Variants in GABRP observed in about 807,000 individuals in gnomAD.
GABRP encodes the protein gamma-aminobutyric acid receptor subunit pi.
Under a neutral mutation model 47.8 loss-of-function variants are expected in GABRP, and 52 were observed. The ratio of observed to expected loss-of-function variants is 1.09; its 90% confidence interval spans 0.87 to 1.37. GABRP has a LOEUF of 1.37. Among genes scored for constraint, GABRP ranks in the 40% most tolerant of loss-of-function variants. GABRP has a pLI of 0.00. For missense variants in GABRP, 525 were observed against 542.8 expected (o/e 0.97, Z 0.33); for synonymous variants, 221 against 205.8 (o/e 1.07, Z -0.63).
intron 5 of GABRP, among the ~76,000 whole-genome samples, chr5:170,796,552 T>A (rs576717308): frequency 6.6e-6 from 1 of 152,346 alleles, no homozygotes; most frequent in Admixed American, 6.5e-5. Flanking sequence ...CTCTGTGACC[T>A]TAGGCAAGTT....
At chr5:170,793,175 T>C (rs1765324364) in intron 3 of GABRP, among the ~76,000 whole-genome samples, 1 of 152,222 alleles carries the variant, frequency 6.6e-6, no homozygotes, top group South Asian at 2.1e-4. Flanking sequence ...TAATCTCATT[T>C]AGCCCTTCCC....
At chr5:170,801,233 G>T (rs1456572593) in intron 6 of GABRP, among the ~76,000 whole-genome samples, 1 of 152,194 alleles carries the variant, frequency 6.6e-6, no homozygotes, top group African/African-American at 2.4e-5. Flanking sequence ...CCACTGGGCT[G>T]GAGAGTCACA....
chr5:170,806,713 A>C (rs1279989190), intron 7 of GABRP, among the ~76,000 whole-genome samples: 1 of 152,178 alleles, frequency 6.6e-6, no homozygotes, highest in East Asian at 1.9e-4. Flanking sequence ...AAGTGCTGGA[A>C]TTACAGGCAT....
At position 170,812,693 on chromosome 5, in the gene GABRP, A is replaced by C. The variant is rs1354074543; in HGVS notation, c.*435A>C. On this transcript the variant is annotated 3_prime_UTR_variant, in exon 10 of 10. Transcript: ENST00000265294. ...GTGCTTATAAAATACATTGTTGCCT[A>C]TTTAGGGAGTAACATTTTCTAGTTT... 1 of 157,920 alleles carries C rather than the reference A, an allele frequency of 6.3e-6. No individual in the cohort carries two copies. The highest frequency in any genetic ancestry group is 1.8e-4 in the East Asian group (1 of 5,444). The allele number at this position is 157,920 out of a possible 1,614,324, so 9.8% of individuals were successfully genotyped here. A position where few individuals can be genotyped will look rare whatever the true frequency, so the allele number is the denominator to read the frequency against.
chr5:170,794,296 A>G lies in GABRP; in HGVS notation c.238A>G (p.Met80Val), dbSNP rs1345783078. The G allele has an allele frequency of 1.9e-6, 3 of 1,605,244 alleles. No homozygotes were observed. Among genetic ancestry groups the G allele is most frequent in the Non-Finnish European group, 2.6e-6 (3 of 1,173,944 alleles). The change falls in exon 4 of 10, where the codon ATG (methionine) becomes GTG (valine). Residue 80 changes from methionine (M) to valine (V), a missense_variant and splice_region_variant. Coordinates refer to ENST00000265294, the MANE Select transcript of GABRP (RefSeq NM_014211.3). ...ASISSISESNMDYTATIYLRQ... is the reference protein window; with the variant it reads ...ASISSISESNVDYTATIYLRQ... ...TATCTCTAGCATTTCAGAGAGTAAC[A>G]TGGTAAGCGCTGTTCCTTTGTACTC...
chr5:170,797,830 A>C (rs1463592496), intron 6 of GABRP, among the ~76,000 whole-genome samples: 1 of 152,222 alleles, frequency 6.6e-6, no homozygotes, highest in African/African-American at 2.4e-5. Context: ...GGTCTAGGCC[A>C]GGGGTCAGCA....
chr5:170,804,986 AT>A (rs1451200185), intron 6 of GABRP, among the ~76,000 whole-genome samples: 2 of 139,592 alleles, frequency 1.4e-5, no homozygotes, highest in South Asian at 2.3e-4. Context: ...TATATATTAT[AT>A]TATATTATAT....
intron 1 of GABRP, among the ~76,000 whole-genome samples, chr5:170,785,613 C>A (rs1000369578): frequency 1.3e-5 from 2 of 152,122 alleles, no homozygotes; most frequent in African/African-American, 4.8e-5. Context: ...GCTGAGAGGC[C>A]CAGGGCCAAA....
intron 3 of GABRP, among the ~76,000 whole-genome samples, chr5:170,793,623 T>C (rs1765338603): frequency 6.6e-6 from 1 of 152,186 alleles, no homozygotes; most frequent in African/African-American, 2.4e-5. Flanking sequence ...TAAAACAACA[T>C]CTGTGCGCAA....
At chr5:170,805,308 T>C (rs1200923822) in intron 6 of GABRP, among the ~76,000 whole-genome samples, 1 of 152,184 alleles carries the variant, frequency 6.6e-6, no homozygotes, top group Non-Finnish European at 1.5e-5. Flanking sequence ...TTTATGCCAA[T>C]ATAGAAATAT....
At chr5:170,807,102 T>A (rs1765756488) in intron 7 of GABRP, among the ~76,000 whole-genome samples, 1 of 151,892 alleles carries the variant, frequency 6.6e-6, no homozygotes, top group African/African-American at 2.4e-5. Flanking sequence ...GTGTGTGCCA[T>A]CATGCCTGGG....
intron 5 of GABRP, among the ~76,000 whole-genome samples, chr5:170,796,018 G>C (rs1166821881): frequency 6.6e-6 from 1 of 152,148 alleles, no homozygotes; most frequent in Non-Finnish European, 1.5e-5. Context: ...TGAAGCTCAA[G>C]TTCCTTTCAC....
chr5:170,808,212 G>GAGAAAC (rs1436894000), intron 7 of GABRP, among the ~76,000 whole-genome samples: 1 of 152,130 alleles, frequency 6.6e-6, no homozygotes, highest in Non-Finnish European at 1.5e-5. Flanking sequence ...AGTATTCCTT[G>GAGAAAC]AGAAACAGAT....
chr5:170,800,119 G>A (rs1357797397), intron 6 of GABRP, among the ~76,000 whole-genome samples: 2 of 152,180 alleles, frequency 1.3e-5, no homozygotes, highest in African/African-American at 2.4e-5. Flanking sequence ...AACCAAAACA[G>A]CATGGTACTG....
intron 6 of GABRP, among the ~76,000 whole-genome samples, chr5:170,798,334 C>T (rs1418662781): frequency 2.0e-5 from 3 of 152,192 alleles, no homozygotes; most frequent in African/African-American, 7.2e-5. Flanking sequence ...AGCCACCGTG[C>T]CTGGCCTGCT....
At chr5:170,794,984 C>G (rs1165826926) in intron 4 of GABRP, among the ~76,000 whole-genome samples, 1 of 147,348 alleles carries the variant, frequency 6.8e-6, no homozygotes. Flanking sequence ...TTGCAATATG[C>G]CACTAACCCA....
chr5:170,809,656 T>C lies in GABRP; in HGVS notation c.921T>C (p.Asp307=), dbSNP rs1187721992. ...CCAACTGCTTCATCAAGGCCATCGA[T>C]GTGTACCTGGGGATCTGCTTTAGCT... ...PNTNCFIKAI[D]VYLGICFSFV... Residue 307 remains aspartate (D), a synonymous_variant, in exon 9 of 10, where the codon GAT becomes GAC. Transcript: ENST00000265294. The C allele has an allele frequency of 2.5e-6, 4 of 1,614,074 alleles. No individual in the cohort carries two copies. The highest frequency in any genetic ancestry group is 2.2e-5 in the East Asian group (1 of 44,888).
intron 1 of GABRP, among the ~76,000 whole-genome samples, chr5:170,784,399 T>C (rs2127245725): frequency 6.6e-6 from 1 of 152,242 alleles, no homozygotes. Flanking sequence ...GCTTCCAGCC[T>C]GGGAAGTTTT....
At position 170,795,197 on chromosome 5, in the gene GABRP, C is replaced by G. The variant is rs1365675217; in HGVS notation, c.241-11C>G. 6.2e-6 allele frequency: 10 copies of G among 1,604,968 alleles called. No individual in the cohort carries two copies. The highest frequency in any genetic ancestry group is 8.5e-6 in the Non-Finnish European group (10 of 1,172,850). ...CCCCATCCATTTCCATACCCTGCCTCCCCCTCCCAGGACTACACAGCCACC... is the reference window on the plus strand; with the variant it reads ...CCCCATCCATTTCCATACCCTGCCTGCCCCTCCCAGGACTACACAGCCACC... On this transcript the variant is annotated splice_polypyrimidine_tract_variant and intron_variant, in intron 4 of 9. Transcript: ENST00000265294.
Sources: gnomAD v4.1 joint callset for allele counts (sites outside exome capture counted in the v4.1 genomes callset) on GRCh38, gnomAD v4.1.1 for gene constraint, MANE v1.5 for transcripts, NCBI Gene and HGNC (gene_info 2026-07-23, HGNC 2026-07-21) for gene names.